Variants in ANXA2 observed in about 807,000 individuals in gnomAD.
ANXA2 encodes annexin A2.
Under a neutral mutation model 47.3 loss-of-function variants are expected in ANXA2, and 28 were observed. The observed-to-expected ratio is 0.59, with a 90% CI of 0.44 to 0.81. The LOEUF is 0.81. ANXA2 is among the 40% of genes least tolerant of loss of function. The pLI is 0.00. For synonymous variants in ANXA2, 172 were observed against 155.5 expected, an observed-to-expected ratio of 1.11 and a Z score of -0.79; for missense variants, 384 against 414.3, an observed-to-expected ratio of 0.93 and a Z score of 0.64.
chr15:60,385,955 T>G, intron 2 of ANXA2, 73 bp downstream of exon 2: 1 of 974,826 alleles, frequency 1.0e-6, no homozygotes, highest in East Asian at 2.4e-5. Flanking sequence ...TGTACAAGGA[T>G]AGAGAGTAAT....
At chr15:60,379,784 G>A (rs2062830348) in intron 3 of ANXA2, among the ~76,000 whole-genome samples, 1 of 152,170 alleles carries the variant, frequency 6.6e-6, no homozygotes, top group Admixed American at 6.5e-5. Context: ...TGATCAAACT[G>A]GAATGTCGGA....
chr15:60,352,977 C>T lies in ANXA2; in HGVS notation c.589-501G>A, dbSNP rs932775076. ...TGGAAAATTTAGGGGCTACAAGTAG[C>T]CCTAACAATGGCAGGGAGGGCAAGA... On this transcript the variant is annotated intron_variant, in intron 8 of 12. Coordinates refer to ENST00000451270, the MANE Select transcript of ANXA2 (RefSeq NM_004039.3). The surrounding 1 kb of genome is among the most constrained non-coding windows in gnomAD (Gnocchi z 4.2). 6.6e-6 allele frequency among the ~76,000 whole-genome samples: 1 copy of T among 152,040 alleles called. No individual in the cohort carries two copies. Among genetic ancestry groups the T allele is most frequent in the African/African-American group, 2.4e-5 (1 of 41,372 alleles).
At chr15:60,359,631 T>C (rs899125761) in intron 5 of ANXA2, among the ~76,000 whole-genome samples, 3 of 152,196 alleles carry the variant, frequency 2.0e-5, no homozygotes, top group African/African-American at 7.2e-5. Context: ...AGCTATCAAA[T>C]TCCAGGCTTT....
rs1287212912 is a variant in ANXA2, at chr15:60,393,067, G to A, written c.-12+4876C>T. ...TTGAAAGCAGATATTCTTCTCCTTGGTTTTATGGTCTTGATTAATGACTGA... is the reference window on the plus strand; with the variant it reads ...TTGAAAGCAGATATTCTTCTCCTTGATTTTATGGTCTTGATTAATGACTGA... On this transcript the variant is annotated intron_variant, in intron 1 of 12. Coordinates refer to ENST00000451270, the MANE Select transcript of ANXA2 (RefSeq NM_004039.3). 3 of 1,287,128 alleles carry A rather than the reference G, an allele frequency of 2.3e-6. No homozygotes were observed. The Admixed American group carries it at 6.9e-5, about 30-fold the overall frequency. 79.7% of individuals were successfully genotyped at this position (1,287,128 alleles called of 1,614,324 possible). A position where few individuals can be genotyped will look rare whatever the true frequency, so the allele number is the denominator to read the frequency against.
At chr15:60,393,016 C>T in intron 1 of ANXA2, 1 of 1,285,266 alleles carries the variant, frequency 7.8e-7, no homozygotes. Context: ...CACCCACCTA[C>T]TGCATCTTTA....
intron 3 of ANXA2, among the ~76,000 whole-genome samples, chr15:60,372,171 G>A (rs1341526954): frequency 2.0e-5 from 3 of 151,886 alleles, no homozygotes; most frequent in African/African-American, 4.8e-5. Flanking sequence ...AATAATAATA[G>A]TAACCTTTTA....
intron 3 of ANXA2, among the ~76,000 whole-genome samples, chr15:60,380,034 G>A (rs149656594): frequency 6.6e-6 from 1 of 152,296 alleles, no homozygotes; most frequent in Non-Finnish European, 1.5e-5. Context: ...TAAACTTAGG[G>A]CTGCTGCAAT....
intron 12 of ANXA2, among the ~76,000 whole-genome samples, 153 bp from the exon 13 acceptor site, chr15:60,347,842 G>T (rs991471222): frequency 1.3e-5 from 2 of 152,234 alleles, no homozygotes; most frequent in Non-Finnish European, 2.9e-5. Flanking sequence ...GGCCTGGAAG[G>T]CCACACCCAA....
chr15:60,393,514 T>C, intron 1 of ANXA2: 1 of 991,170 alleles, frequency 1.0e-6, no homozygotes, highest in Non-Finnish European at 1.2e-6. Context: ...CTTAAATATC[T>C]TCTATACACA....
chr15:60,348,305 C>A (rs571678629), intron 12 of ANXA2, among the ~76,000 whole-genome samples: 1 of 152,228 alleles, frequency 6.6e-6, no homozygotes, highest in Non-Finnish European at 1.5e-5. Context: ...AGTGGTACCA[C>A]TGTGAATGCC....
intron 3 of ANXA2, among the ~76,000 whole-genome samples, chr15:60,372,603 T>C (rs1252144086): frequency 1.3e-5 from 2 of 152,108 alleles, no homozygotes. Context: ...CTTGTAGATT[T>C]TGGTCCAGTA....
At position 60,368,329 on chromosome 15, in the gene ANXA2, A is replaced by G. The variant is rs536694341; in HGVS notation, c.149-3806T>C. Reference sequence around the variant, plus strand: ...TCAATAAAAAAAAAAAATAAAATAAAATAAAATAAAATAAAAATAAATCCA... The same window carrying G: ...TCAATAAAAAAAAAAAATAAAATAAGATAAAATAAAATAAAAATAAATCCA... On this transcript the variant is annotated intron_variant, in intron 3 of 12. Transcript: ENST00000451270. 3.1e-3 allele frequency among the ~76,000 whole-genome samples: 468 copies of G among 150,936 alleles called. 3 individuals carry two copies. The highest frequency in any genetic ancestry group is 0.011 in the African/African-American group (442 of 41,408).
At chr15:60,394,157 G>A (rs1338324180) in intron 1 of ANXA2, among the ~76,000 whole-genome samples, 1 of 152,168 alleles carries the variant, frequency 6.6e-6, no homozygotes, top group Non-Finnish European at 1.5e-5. Context: ...AGGACCACAT[G>A]GGAACGTAAC....
rs1424272396 is a variant in ANXA2 at position 60,347,622 on chromosome 15, G to A, written c.*8C>T. The A allele has an allele frequency of 6.2e-7, 1 of 1,614,020 alleles. No individual in the cohort carries two copies. The highest frequency in any genetic ancestry group is 8.5e-7 in the Non-Finnish European group (1 of 1,179,994). ...CACCATTTCTGGACGCTCAGGCCGT[G>A]TCGGGCTTCAGTCATCTCCACCACA... On this transcript the variant is annotated 3_prime_UTR_variant, in exon 13 of 13. Transcript: ENST00000451270.
rs778499857 is a variant in ANXA2, at chr15:60,355,972, T to C, written c.475A>G (p.Ile159Val). The change falls in exon 7 of 13, where the codon ATT (isoleucine) becomes GTT (valine). Residue 159 changes from isoleucine (I) to valine (V), a missense_variant. Physicochemically the swap from Ile to Val is conservative, Grantham distance 29. Transcript: ENST00000451270. ...AAGTCACCAGATGTGTCCGAAATAA[T>C]GTCCTTCTCCAGATCAGTCTTGTAC... Reference protein sequence around the residue: ...EMYKTDLEKDIISDTSGDFRK... With the variant: ...EMYKTDLEKDVISDTSGDFRK... The C allele has an allele frequency of 1.2e-6, 2 of 1,614,086 alleles. No homozygotes were observed. The highest frequency in any genetic ancestry group is 1.7e-6 in the Non-Finnish European group (2 of 1,179,956).
At chr15:60,368,616 G>T (rs1416459934) in intron 3 of ANXA2, among the ~76,000 whole-genome samples, 1 of 149,920 alleles carries the variant, frequency 6.7e-6, no homozygotes, top group East Asian at 1.9e-4. Flanking sequence ...TCTCATTTTT[G>T]TAAAATGTGT....
chr15:60,379,708 G>A (rs79331591), intron 3 of ANXA2, among the ~76,000 whole-genome samples: 1,760 of 152,266 alleles, frequency 0.012, 28 homozygotes, highest in African/African-American at 0.039. Flanking sequence ...TGAAGTGCCT[G>A]GTGCAGTATC....
chr15:60,365,112 G>A (rs2062576938), intron 3 of ANXA2, among the ~76,000 whole-genome samples: 2 of 146,936 alleles, frequency 1.4e-5, no homozygotes, highest in Admixed American at 1.4e-4. Context: ...AAATTGTTTT[G>A]TAAGGAAAAT....
intron 12 of ANXA2, among the ~76,000 whole-genome samples, chr15:60,348,700 G>A (rs930924342): frequency 4.7e-5 from 7 of 150,020 alleles, no homozygotes; most frequent in Non-Finnish European, 7.4e-5. Flanking sequence ...AGCCGAGATT[G>A]TGGCCACTGC....
Sources: allele counts gnomAD v4.1 joint callset (sites outside exome capture counted in the v4.1 genomes callset), GRCh38; gene constraint gnomAD v4.1.1; non-coding constraint Gnocchi (gnomAD v3.1); transcripts MANE v1.5; gene names NCBI Gene and HGNC (gene_info 2026-07-23, HGNC 2026-07-21).